B4GALT5: variants seen among roughly 807,000 people sequenced by gnomAD.
B4GALT5 encodes beta-1,4-galactosyltransferase 5, also known as UDP-Gal:beta-GlcNAc beta-1,4-galactosyltransferase 5.
A neutral mutation model predicts 45.0 loss-of-function variants in B4GALT5; 11 were observed. The observed-to-expected ratio is 0.24, with a 90% CI of 0.15 to 0.40. The LOEUF (loss-of-function observed/expected upper bound fraction) is 0.40, where lower values mean the gene tolerates loss of function less well. Ranked by LOEUF, B4GALT5 falls within the 10% of genes least tolerant of loss-of-function variation. The pLI is 1.00. For missense variants in B4GALT5, 337 were observed against 500.2 expected, an observed-to-expected ratio of 0.67 and a Z score of 3.11; for synonymous variants, 185 against 182.9, an observed-to-expected ratio of 1.01 and a Z score of -0.09.
intron 1 of B4GALT5, among the ~76,000 whole-genome samples, chr20:49,678,023 T>C (rs796930767): frequency 1.1e-4 from 17 of 152,360 alleles, no homozygotes; most frequent in African/African-American, 3.4e-4. Flanking sequence ...GCTGGAATTA[T>C]AGGCGTGAGT....
chr20:49,706,462 A>C (rs2085884387), intron 1 of B4GALT5, among the ~76,000 whole-genome samples: 1 of 152,176 alleles, frequency 6.6e-6, no homozygotes, highest in Admixed American at 6.6e-5. Flanking sequence ...ATCATCTATA[A>C]ATTGACAGAT....
At chr20:49,706,255 C>T (rs2146362651) in intron 1 of B4GALT5, among the ~76,000 whole-genome samples, 1 of 151,940 alleles carries the variant, frequency 6.6e-6, no homozygotes, top group Admixed American at 6.6e-5. Flanking sequence ...TGTGCTAAGC[C>T]CTTTTATGTG....
intron 1 of B4GALT5, among the ~76,000 whole-genome samples, chr20:49,696,645 T>C (rs894165253): frequency 6.6e-6 from 1 of 152,210 alleles, no homozygotes; most frequent in African/African-American, 2.4e-5. Flanking sequence ...AGCCCAGCAA[T>C]TCCTGAGGTG....
In B4GALT5 at chr20:49,702,900, G is replaced by A. The variant is rs571590429; in HGVS notation, c.115+10676C>T. 9.2e-5 allele frequency among the ~76,000 whole-genome samples: 14 copies of A among 151,398 alleles called. No individual in the cohort carries two copies. The South Asian group carries it at 1.7e-3, about 18-fold the overall frequency. On this transcript the variant is annotated intron_variant, in intron 1 of 8. Transcript: ENST00000371711. ...AAAAAATAGTGATTACTGGCCAGGC[G>A]CGGTGGCTCACGCCTGTAATGTCAG...
intron 8 of B4GALT5, among the ~76,000 whole-genome samples, chr20:49,637,011 C>T (rs541316586): frequency 9.1e-4 from 138 of 152,080 alleles, no homozygotes; most frequent in African/African-American, 3.0e-3. Flanking sequence ...CGGGAGCCTG[C>T]GGAAAGGGCG....
At chr20:49,701,946 C>A (rs1221214605) in intron 1 of B4GALT5, among the ~76,000 whole-genome samples, 1 of 152,048 alleles carries the variant, frequency 6.6e-6, no homozygotes, top group Non-Finnish European at 1.5e-5. Flanking sequence ...GCGCCTGTAA[C>A]CCCAGCTACT....
chr20:49,705,061 G>A (rs2085878610), intron 1 of B4GALT5, among the ~76,000 whole-genome samples: 1 of 152,104 alleles, frequency 6.6e-6, no homozygotes, highest in African/African-American at 2.4e-5. Context: ...TGATTCCCAT[G>A]CTTGGGAAAA....
chr20:49,647,502 G>T (rs529701714), intron 2 of B4GALT5, among the ~76,000 whole-genome samples: 1 of 151,832 alleles, frequency 6.6e-6, no homozygotes, highest in Non-Finnish European at 1.5e-5. Context: ...CTTACCTACC[G>T]ACCTCCCACT....
intron 1 of B4GALT5, among the ~76,000 whole-genome samples, chr20:49,687,318 C>T (rs6125715): frequency 0.12 from 17,917 of 152,214 alleles, 1,270 homozygotes; most frequent in East Asian, 0.22. Context: ...AATGCATAAA[C>T]GTTAAGTTTA....
At chr20:49,712,142 TC>T (rs2085915373) in intron 1 of B4GALT5, among the ~76,000 whole-genome samples, 1 of 152,206 alleles carries the variant, frequency 6.6e-6, no homozygotes. Flanking sequence ...ACTCCCTTCT[TC>T]CTGGAAGTTA....
At chr20:49,668,724 G>A (rs953853521) in intron 1 of B4GALT5, among the ~76,000 whole-genome samples, 34 of 151,794 alleles carry the variant, frequency 2.2e-4, no homozygotes, top group African/African-American at 5.1e-4. Flanking sequence ...CCTCACCTCC[G>A]CACCCCCTCG....
intron 3 of B4GALT5, among the ~76,000 whole-genome samples, chr20:49,646,274 A>T (rs1472273735): frequency 6.6e-6 from 1 of 152,202 alleles, no homozygotes; most frequent in Non-Finnish European, 1.5e-5. Context: ...CAGTGTTCAT[A>T]AAGTCTACAG....
chr20:49,712,837 T>G (rs866804581), intron 1 of B4GALT5, among the ~76,000 whole-genome samples: 378 of 42,606 alleles, frequency 8.9e-3, no homozygotes, highest in South Asian at 0.01. Flanking sequence ...GTACGCGAGG[T>G]GGGGGGGGGG....
intron 1 of B4GALT5, among the ~76,000 whole-genome samples, chr20:49,657,661 T>G (rs1029433515): frequency 1.3e-5 from 2 of 151,946 alleles, no homozygotes; most frequent in African/African-American, 4.8e-5. Flanking sequence ...TGTCTGGGGG[T>G]GGATTCATCT....
chr20:49,691,615 C>T (rs2085812582), intron 1 of B4GALT5, among the ~76,000 whole-genome samples: 2 of 152,062 alleles, frequency 1.3e-5, no homozygotes, highest in Admixed American at 1.3e-4. Context: ...AGTCACTTTG[C>T]CTCTAGACTA....
chr20:49,646,022 A>T (rs994009524), intron 3 of B4GALT5, among the ~76,000 whole-genome samples: 6 of 152,012 alleles, frequency 3.9e-5, no homozygotes, highest in Admixed American at 2.6e-4. Context: ...CCCATTTCTT[A>T]AAAAAGTAAT....
At chr20:49,705,862 G>C (rs1311670106) in intron 1 of B4GALT5, among the ~76,000 whole-genome samples, 1 of 151,924 alleles carries the variant, frequency 6.6e-6, no homozygotes, top group Non-Finnish European at 1.5e-5. Context: ...ATGAGACCAA[G>C]AGGGCACCTC....
At chr20:49,663,698 C>T (rs12480583) in intron 1 of B4GALT5, among the ~76,000 whole-genome samples, 2,356 of 78,404 alleles carry the variant, frequency 0.03, 258 homozygotes, top group African/African-American at 0.063. Context: ...AAAATATATA[C>T]ATATATATAT....
intron 1 of B4GALT5, among the ~76,000 whole-genome samples, chr20:49,663,596 T>C (rs905444359): frequency 4.7e-5 from 7 of 148,064 alleles, no homozygotes; most frequent in African/African-American, 1.7e-4. Flanking sequence ...CCCAGCTGCT[T>C]GGGAGGCTGA....
Sources: allele counts gnomAD v4.1 joint callset (sites outside exome capture counted in the v4.1 genomes callset), GRCh38; gene constraint gnomAD v4.1.1; transcripts MANE v1.5; gene names NCBI Gene and HGNC (gene_info 2026-07-23, HGNC 2026-07-21).